PCGF6: variants seen among roughly 807,000 people sequenced by gnomAD.
PCGF6 encodes the protein polycomb group ring finger 6, also known as polycomb group RING finger protein 6.
In PCGF6, 24 loss-of-function variants were observed where a neutral mutation model predicts 45.5. The ratio of observed to expected loss-of-function variants is 0.53; its 90% CI spans 0.38 to 0.74. The LOEUF (loss-of-function observed/expected upper bound fraction) is 0.74, where lower values mean the gene tolerates loss of function less well. Among genes scored for constraint, PCGF6 ranks in the 30% least tolerant of loss-of-function variants. PCGF6 has a pLI of 0.00. For synonymous variants in PCGF6, 152 were observed against 162.1 expected (o/e 0.94, Z 0.47); for missense variants, 356 against 443.2 (o/e 0.80, Z 1.77).
intron 9 of PCGF6, among the ~76,000 whole-genome samples, chr10:103,308,476 G>A (rs138538313): frequency 0.019 from 2,825 of 151,312 alleles, 37 homozygotes; most frequent in Non-Finnish European, 0.027. Context: ...TCTGCTCACT[G>A]CAACCTCTGC....
chr10:103,308,650 T>A (rs941763637), intron 9 of PCGF6, among the ~76,000 whole-genome samples: 2 of 151,992 alleles, frequency 1.3e-5, no homozygotes, highest in African/African-American at 4.8e-5. Flanking sequence ...GGCAGAAAGA[T>A]TGCCTGAGCC....
intron 8 of PCGF6, among the ~76,000 whole-genome samples, chr10:103,325,961 T>C (rs966249257): frequency 1.2e-4 from 18 of 151,200 alleles, no homozygotes; most frequent in African/African-American, 4.4e-4. Flanking sequence ...CAGGAAAACC[T>C]CAAGGTTGTA....
intron 8 of PCGF6, among the ~76,000 whole-genome samples, chr10:103,318,698 G>T (rs1022052602): frequency 1.3e-5 from 2 of 151,304 alleles, no homozygotes; most frequent in Admixed American, 6.6e-5. Flanking sequence ...GAGCTGAGAT[G>T]GCACCACTGC....
chr10:103,348,778 G>A lies in PCGF6; in HGVS notation c.495C>T (p.Tyr165=), dbSNP rs142207313. The A allele has an allele frequency of 6.4e-5, 103 of 1,612,920 alleles. No homozygotes were observed. The highest frequency in any genetic ancestry group is 8.4e-5 in the Non-Finnish European group (99 of 1,179,298). The change falls in exon 3 of 10, where the codon TAC becomes TAT. Residue 165 remains tyrosine, a synonymous_variant. Coordinates refer to ENST00000369847, the MANE Select transcript of PCGF6 (RefSeq NM_001011663.2). ...CKSCIVRHFY[Y]SNRCPKCNIV... is the part of the protein sequence containing the mutation. ...TATTGCATTTTGGACATCTGTTGCT[G>A]TAGTAAAAATGTCTTACGATGCAGC...
intron 8 of PCGF6, among the ~76,000 whole-genome samples, chr10:103,320,235 G>T (rs2093192005): frequency 6.6e-6 from 1 of 152,050 alleles, no homozygotes; most frequent in South Asian, 2.1e-4. Flanking sequence ...GCAAAATAAG[G>T]TCTGAATATC....
intron 8 of PCGF6, among the ~76,000 whole-genome samples, chr10:103,317,114 G>C (rs890931327): frequency 2.0e-5 from 3 of 152,114 alleles, no homozygotes; most frequent in Non-Finnish European, 4.4e-5. Context: ...AGGTTGAAGC[G>C]ATTCTCATGC....
intron 6 of PCGF6, among the ~76,000 whole-genome samples, chr10:103,339,813 ACACAC>A (rs1564733275): frequency 0.076 from 1,279 of 16,924 alleles, 85 homozygotes; most frequent in Admixed American, 0.23. Context: ...AAAAAAAAAC[ACACAC>A]ACACACACAC....
In PCGF6 at chr10:103,337,891, C is replaced by T. The variant is rs553514444; in HGVS notation, c.783-3939G>A. On this transcript the variant is annotated intron_variant, in intron 6 of 9. Coordinates refer to ENST00000369847, the MANE Select transcript of PCGF6 (RefSeq NM_001011663.2). ...CATCCCGGCTAAAACGGCGAAACCC[C>T]GTCTCTACTAAAAATACAAAAAATT... is the stretch of plus-strand genomic sequence containing the variant. Among the ~76,000 whole-genome samples, 3 of 108,434 alleles carry T rather than the reference C, an allele frequency of 2.8e-5. 1 individual carries two copies. The highest frequency in any genetic ancestry group is 1.0e-4 in the African/African-American group (3 of 29,750). The allele number at this position is 108,434 out of a possible 152,430, so 71.1% of individuals were successfully genotyped here.
intron 6 of PCGF6, among the ~76,000 whole-genome samples, chr10:103,339,409 A>C (rs905235919): frequency 1.3e-5 from 2 of 151,458 alleles, no homozygotes; most frequent in Admixed American, 1.3e-4. Flanking sequence ...AAAACAGATA[A>C]AGGACTGTCT....
In PCGF6 at chr10:103,351,115, T is replaced by A; in HGVS notation, c.-49A>T. ...GCGAGGCGGCGGGAGAGCGCGGGAG[T>A]TCGGCCGGCCTCGGACGCCACCACT... On this transcript the variant is annotated 5_prime_UTR_variant, in exon 1 of 10. Coordinates refer to ENST00000369847, the MANE Select transcript of PCGF6 (RefSeq NM_001011663.2). 1 of 1,336,566 alleles carries A rather than the reference T, an allele frequency of 7.5e-7. No individual in the cohort carries two copies. Among genetic ancestry groups the A allele is most frequent in the Non-Finnish European group, 9.6e-7 (1 of 1,043,780 alleles). 82.8% of individuals were successfully genotyped at this position (1,336,566 alleles called of 1,614,324 possible).
chr10:103,314,672 G>A (rs993213004), intron 8 of PCGF6, among the ~76,000 whole-genome samples: 12 of 152,060 alleles, frequency 7.9e-5, no homozygotes, highest in African/African-American at 2.4e-4. Context: ...CATTAAGGCC[G>A]GGAGCAGTGG....
intron 6 of PCGF6, among the ~76,000 whole-genome samples, chr10:103,334,485 T>A (rs2093249875): frequency 6.6e-6 from 1 of 152,112 alleles, no homozygotes; most frequent in African/African-American, 2.4e-5. Context: ...AATATTAGAT[T>A]CCCCCTCACC....
At chr10:103,337,844 C>G (rs1242219393) in intron 6 of PCGF6, among the ~76,000 whole-genome samples, 1 of 76,420 alleles carries the variant, frequency 1.3e-5, no homozygotes, top group Non-Finnish European at 2.8e-5. Context: ...GCGGGCGGAT[C>G]ACGAGGTCAG....
intron 8 of PCGF6, among the ~76,000 whole-genome samples, chr10:103,321,283 A>T (rs929356047): frequency 8.5e-5 from 13 of 152,182 alleles, no homozygotes; most frequent in African/African-American, 3.1e-4. Flanking sequence ...GATTACAGGT[A>T]TGAGCCTTTA....
chr10:103,318,426 G>A (rs1170866024), intron 8 of PCGF6, among the ~76,000 whole-genome samples: 1 of 146,092 alleles, frequency 6.8e-6, no homozygotes, highest in Admixed American at 6.9e-5. Context: ...CTGGGTAACA[G>A]AGGGAGACTC....
At chr10:103,340,024 A>AAT (rs1178475996) in intron 6 of PCGF6, among the ~76,000 whole-genome samples, 18 of 145,968 alleles carry the variant, frequency 1.2e-4, no homozygotes, top group Non-Finnish European at 2.6e-4. Flanking sequence ...AAAAAAAAAA[A>AAT]AAAAAATTCA....
chr10:103,307,399 T>C (rs1425436458), intron 9 of PCGF6, among the ~76,000 whole-genome samples: 1 of 151,964 alleles, frequency 6.6e-6, no homozygotes, highest in Non-Finnish European at 1.5e-5. Context: ...TTCATGCCAC[T>C]GCACTCCAAC....
chr10:103,348,776 C>T lies in PCGF6; in HGVS notation c.497G>A (p.Ser166Asn), dbSNP rs145936308. The change falls in exon 3 of 10, where the codon AGC becomes AAC. Residue 166 changes from serine to asparagine, a missense_variant. By Grantham distance (46) the Ser-to-Asn change is conservative. Around this residue, in one of 2 missense-constraint regions of PCGF6, gnomAD observed 307 missense variants for 350.1 expected, o/e 0.88. Coordinates refer to ENST00000369847, the MANE Select transcript of PCGF6 (RefSeq NM_001011663.2). The part of the protein sequence containing the change: ...KSCIVRHFYY[S>N]NRCPKCNIVV... ...TATATTGCATTTTGGACATCTGTTG[C>T]TGTAGTAAAAATGTCTTACGATGCA... 9.2e-5 allele frequency: 149 copies of T among 1,612,790 alleles called. No individual in the cohort carries two copies. The highest frequency in any genetic ancestry group is 9.2e-5 in the Non-Finnish European group (109 of 1,179,286).
At position 103,332,341 on chromosome 10, in the gene PCGF6, G is replaced by A. The variant is rs186523346; in HGVS notation, c.810+1584C>T. Among the ~76,000 whole-genome samples the A allele has an allele frequency of 3.9e-5, 6 of 152,188 alleles. 1 individual carries two copies. In the South Asian group the frequency reaches 6.2e-4, roughly 16 times the overall value. On this transcript the variant is annotated intron_variant, in intron 7 of 9. Coordinates refer to ENST00000369847, the MANE Select transcript of PCGF6 (RefSeq NM_001011663.2). ...GTCACCTAGGCTAGAGTGTAGTGAC[G>A]CAATCACAGCTCACTGCAGCCTCAA...
Sources: gnomAD v4.1 joint callset for allele counts (sites outside exome capture counted in the v4.1 genomes callset) on GRCh38, gnomAD v4.1.1 for gene constraint, gnomAD v4.1.1 regional missense constraint, MANE v1.5 for transcripts, NCBI Gene and HGNC (gene_info 2026-07-23, HGNC 2026-07-21) for gene names.